CAMSAP1: variants seen among roughly 807,000 people sequenced by gnomAD.
CAMSAP1 encodes calmodulin regulated spectrin associated protein 1.
In CAMSAP1, 58 loss-of-function variants were observed where a neutral mutation model predicts 143.5. The observed-to-expected ratio is 0.40, with a 90% CI of 0.33 to 0.50. The LOEUF is 0.50. Ranked by LOEUF, CAMSAP1 falls within the 20% of genes least tolerant of loss-of-function variation. CAMSAP1 has a pLI of 0.45. For missense variants in CAMSAP1, 1,969 were observed against 2,115.7 expected (o/e 0.93, Z 1.36); for synonymous variants, 945 against 859.3 (o/e 1.10, Z -1.74).
chr9:135,884,847 A>C (rs554832906), intron 1 of CAMSAP1, among the ~76,000 whole-genome samples: 5 of 152,312 alleles, frequency 3.3e-5, no homozygotes, highest in Non-Finnish European at 5.9e-5. Context: ...AAACAAGAGC[A>C]AGGTGGCCAG....
chr9:135,838,120 T>C (rs1836171695), intron 7 of CAMSAP1, among the ~76,000 whole-genome samples: 1 of 131,108 alleles, frequency 7.6e-6, no homozygotes, highest in Non-Finnish European at 1.6e-5. Flanking sequence ...TACAGACACG[T>C]CATCACACAC....
At chr9:135,865,236 A>T (rs1310738095) in intron 4 of CAMSAP1, 1 of 1,244,252 alleles carries the variant, frequency 8.0e-7, no homozygotes, top group Admixed American at 2.1e-5. Context: ...ACAACAACAA[A>T]AAAACAGTTT....
intron 14 of CAMSAP1, 59 bp from the exon 15 acceptor site, chr9:135,816,064 G>A: frequency 2.6e-6 from 4 of 1,515,142 alleles, no homozygotes; most frequent in South Asian, 1.1e-5. Flanking sequence ...TCTCACCACT[G>A]CTGGCAAGGG....
chr9:135,849,129 T>G (rs1485800723), intron 7 of CAMSAP1, among the ~76,000 whole-genome samples: 1 of 152,244 alleles, frequency 6.6e-6, no homozygotes, highest in African/African-American at 2.4e-5. Flanking sequence ...GAAAACACAC[T>G]GAATACACTT....
At chr9:135,835,644 G>A (rs1836000151) in intron 7 of CAMSAP1, among the ~76,000 whole-genome samples, 2 of 152,236 alleles carry the variant, frequency 1.3e-5, no homozygotes, top group Admixed American at 1.3e-4. Context: ...AATTCAGTAT[G>A]CCATGCTGGA....
At chr9:135,825,054 C>T (rs1181624623) in intron 8 of CAMSAP1, among the ~76,000 whole-genome samples, 174 bp from the exon 9 acceptor site, 1 of 152,174 alleles carries the variant, frequency 6.6e-6, no homozygotes, top group Non-Finnish European at 1.5e-5. Context: ...AACTTCCAAC[C>T]TGGGATGAAC....
chr9:135,894,618 A>G (rs1008998611), intron 1 of CAMSAP1, among the ~76,000 whole-genome samples: 3 of 152,172 alleles, frequency 2.0e-5, no homozygotes, highest in African/African-American at 7.2e-5. Context: ...CAGCACCACA[A>G]AGGCTAGGAA....
At chr9:135,851,094 C>CAA (rs1205107721) in intron 5 of CAMSAP1, among the ~76,000 whole-genome samples, 1 of 152,170 alleles carries the variant, frequency 6.6e-6, no homozygotes, top group Non-Finnish European at 1.5e-5. Context: ...GTCACAGGAC[C>CAA]AAAGAGCAGG....
Position 135,820,011 on chromosome 9 carries a change from G to A in CAMSAP1, c.3822+828C>T, listed in dbSNP as rs1000143899. ...CTGGAGGCAAAGCAGAAACAGTTGC[G>A]TGTCGCTTGCCGAGAGAAAACGTTC... On this transcript the variant is annotated intron_variant, in intron 11 of 16. Coordinates refer to ENST00000389532, the MANE Select transcript of CAMSAP1 (RefSeq NM_015447.4). This position sits in a 1 kb window ranked among gnomAD's most constrained non-coding sequence, Gnocchi z 4.4. Among the ~76,000 whole-genome samples, 11 of 152,186 alleles carry A rather than the reference G, an allele frequency of 7.2e-5. No homozygotes were observed. The highest frequency in any genetic ancestry group is 1.3e-4 in the Admixed American group (2 of 15,282).
Position 135,821,814 on chromosome 9 carries a change from G to A in CAMSAP1, c.2847C>T (p.Asp949=), listed in dbSNP as rs762622183. Residue 949 remains aspartate, a synonymous_variant, in exon 11 of 17, where the codon GAC becomes GAT. Transcript: ENST00000389532. This position sits in a 1 kb window ranked among gnomAD's most constrained non-coding sequence, Gnocchi z 4.6. The stretch of plus-strand genomic sequence containing the variant: ...GAAAGTCTTCGGTTTTGGAAACAGC[G>A]TCCCCACAGTCCTCCCCGTTGTGCT... ...YSQHNGEDCG[D]AVSKTEDFLV... The A allele has an allele frequency of 1.4e-5, 23 of 1,613,832 alleles. No individual in the cohort carries two copies. The highest frequency in any genetic ancestry group is 1.1e-4 in the East Asian group (5 of 44,870).
chr9:135,841,441 T>A (rs1394258327), intron 7 of CAMSAP1, among the ~76,000 whole-genome samples: 1 of 152,200 alleles, frequency 6.6e-6, no homozygotes, highest in Non-Finnish European at 1.5e-5. Flanking sequence ...GACTTAAACA[T>A]CACCGCCTGC....
intron 3 of CAMSAP1, among the ~76,000 whole-genome samples, chr9:135,867,391 T>A (rs1343615745): frequency 1.3e-5 from 2 of 151,374 alleles, no homozygotes; most frequent in African/African-American, 4.9e-5. Context: ...ACACGTATCA[T>A]CCCAGCCACT....
chr9:135,875,582 T>C (rs1837715250), intron 3 of CAMSAP1, among the ~76,000 whole-genome samples: 1 of 152,344 alleles, frequency 6.6e-6, no homozygotes, highest in Admixed American at 6.5e-5. Flanking sequence ...AGTATTCCTA[T>C]AAACCAGACA....
At position 135,823,910 on chromosome 9, in the gene CAMSAP1, A is replaced by C. The variant is rs2131667135; in HGVS notation, c.1400+40T>G. On this transcript the variant is annotated intron_variant, in intron 10 of 16. Coordinates refer to ENST00000389532, the MANE Select transcript of CAMSAP1 (RefSeq NM_015447.4). ...CTTAAGAACTGCTGTTTAGTATAAA[A>C]AACATTCCAAACAGAAACACTGCTG... 3.3e-6 allele frequency: 5 copies of C among 1,509,834 alleles called. No homozygotes were observed. In the East Asian group the frequency reaches 1.2e-4, roughly 37 times the overall value. The allele number at this position is 1,509,834 out of a possible 1,614,324, so 93.5% of individuals were successfully genotyped here.
intron 7 of CAMSAP1, among the ~76,000 whole-genome samples, chr9:135,827,892 G>C (rs1217717273): frequency 1.3e-5 from 2 of 152,222 alleles, no homozygotes; most frequent in Admixed American, 1.3e-4. Context: ...TCCACTGGTG[G>C]GCTGCTTCCA....
intron 3 of CAMSAP1, among the ~76,000 whole-genome samples, chr9:135,871,853 A>G (rs1837580630): frequency 6.6e-6 from 1 of 152,218 alleles, no homozygotes; most frequent in Non-Finnish European, 1.5e-5. Flanking sequence ...CTGTAATCCC[A>G]GCACTTTAGG....
At chr9:135,866,042 A>G (rs1215466179) in intron 4 of CAMSAP1, among the ~76,000 whole-genome samples, 2 of 152,226 alleles carry the variant, frequency 1.3e-5, no homozygotes, top group Non-Finnish European at 1.5e-5. Flanking sequence ...CAGCAGAATC[A>G]TGGCACAGGC....
intron 5 of CAMSAP1, among the ~76,000 whole-genome samples, chr9:135,854,842 T>C (rs1836898593): frequency 6.6e-6 from 1 of 152,178 alleles, no homozygotes; most frequent in African/African-American, 2.4e-5. Context: ...CCACGGGGGT[T>C]TGTTGTACAA....
Position 135,882,017 on chromosome 9 carries a change from G to A in CAMSAP1, c.424-223C>T, listed in dbSNP as rs538830060. Among the ~76,000 whole-genome samples, 5 of 152,336 alleles carry A rather than the reference G, an allele frequency of 3.3e-5. No homozygotes were observed. Among genetic ancestry groups the A allele is most frequent in the African/African-American group, 7.2e-5 (3 of 41,578 alleles). ...CAAGACCGTCTGGAACCAGGAGTCC[G>A]TTCTCAGGCAGGCAGGCCAGCCCTG... On this transcript the variant is annotated intron_variant, in intron 2 of 16. Coordinates refer to ENST00000389532, the MANE Select transcript of CAMSAP1 (RefSeq NM_015447.4). This position sits in a 1 kb window ranked among gnomAD's most constrained non-coding sequence, Gnocchi z 4.9.
Sources: allele counts gnomAD v4.1 joint callset (sites outside exome capture counted in the v4.1 genomes callset), GRCh38; gene constraint gnomAD v4.1.1; non-coding constraint Gnocchi (gnomAD v3.1); transcripts MANE v1.5; gene names NCBI Gene and HGNC (gene_info 2026-07-23, HGNC 2026-07-21).